Variants in TP63 observed in about 807,000 individuals in gnomAD.
The protein encoded by TP63 is tumor protein p63.
In TP63, 17 loss-of-function variants were observed where a neutral mutation model predicts 82.8. That is an observed-to-expected ratio of 0.21 (90% CI 0.14 to 0.31). TP63 has a LOEUF of 0.31. TP63 is among the 10% of genes least tolerant of loss of function. The pLI is 1.00. For missense variants in TP63, 648 were observed against 895.3 expected (o/e 0.72, Z 3.52); for synonymous variants, 330 against 321.7 (o/e 1.03, Z -0.28).
chr3:189,598,504 A>G, the TP63 span, among the ~76,000 whole-genome samples: 1 of 152,372 alleles, frequency 6.6e-6, no homozygotes, highest in East Asian at 1.9e-4. Context: ...CAAGCAGGCT[A>G]AAGTCAAAGA....
the TP63 span, among the ~76,000 whole-genome samples, chr3:189,623,797 T>G: frequency 1.1e-4 from 17 of 152,196 alleles, no homozygotes; most frequent in Non-Finnish European, 2.9e-5. Context: ...CCAAATGCAT[T>G]ATAATCAGAG....
chr3:189,781,616 G>C (rs957884286), intron 3 of TP63, among the ~76,000 whole-genome samples: 1 of 151,424 alleles, frequency 6.6e-6, no homozygotes, highest in Non-Finnish European at 1.5e-5. Context: ...TTTTTTCCTG[G>C]AAAGGGTGGA....
rs536906599 is a variant in TP63, at chr3:189,743,260, G to A, written c.324+4486G>A. On this transcript the variant is annotated intron_variant, in intron 3 of 13. Coordinates refer to ENST00000264731, the MANE Select transcript of TP63 (RefSeq NM_003722.5). ...TAAAAAATTAGGGAATTGAAATAAT[G>A]AGATTAATTATATCTTTCTGATCAG... Among the ~76,000 whole-genome samples, 240 of 152,218 alleles carry A rather than the reference G, an allele frequency of 1.6e-3. 1 individual carries two copies. Among genetic ancestry groups the A allele is most frequent in the African/African-American group, 5.6e-3 (234 of 41,540 alleles).
chr3:189,804,272 C>A (rs909280141), intron 3 of TP63, among the ~76,000 whole-genome samples: 26 of 152,188 alleles, frequency 1.7e-4, no homozygotes, highest in Non-Finnish European at 3.5e-4. Flanking sequence ...AGGTACTGCT[C>A]CCTTTACCCC....
chr3:189,798,490 G>T (rs1725952398), intron 3 of TP63, among the ~76,000 whole-genome samples: 1 of 152,044 alleles, frequency 6.6e-6, no homozygotes, highest in Non-Finnish European at 1.5e-5. Flanking sequence ...CAAGGACAGA[G>T]AATGTGTTTG....
intron 4 of TP63, among the ~76,000 whole-genome samples, chr3:189,810,737 T>G (rs1727454126): frequency 6.6e-6 from 1 of 151,498 alleles, no homozygotes; most frequent in South Asian, 2.1e-4. Context: ...GTGCCTGTAG[T>G]CTCAGCTACT....
chr3:189,775,220 C>CA (rs56288032), intron 3 of TP63, among the ~76,000 whole-genome samples: 1,096 of 92,936 alleles, frequency 0.012, 11 homozygotes, highest in African/African-American at 0.038. Context: ...AACTCTGTCT[C>CA]AAAAAAAAAA....
chr3:189,701,015 T>C (rs1447760822), intron 1 of TP63, among the ~76,000 whole-genome samples: 1 of 152,174 alleles, frequency 6.6e-6, no homozygotes, highest in Non-Finnish European at 1.5e-5. Flanking sequence ...AAATCTGTGA[T>C]ATGTGATTTT....
intron 1 of TP63, among the ~76,000 whole-genome samples, chr3:189,717,365 CAA>C (rs1310981119): frequency 1.3e-5 from 2 of 152,262 alleles, no homozygotes; most frequent in African/African-American, 4.8e-5. Flanking sequence ...CCACACTGAT[CAA>C]GAGACCAGCT....
chr3:189,817,106 C>G (rs1343384657), intron 4 of TP63, among the ~76,000 whole-genome samples: 1 of 151,920 alleles, frequency 6.6e-6, no homozygotes, highest in African/African-American at 2.4e-5. Context: ...ACCAACCTTT[C>G]AAGTTCATTG....
Position 189,788,337 on chromosome 3 carries a change from G to A in TP63, c.325-19935G>A, listed in dbSNP as rs1247394621. Among the ~76,000 whole-genome samples, 3 of 151,930 alleles carry A rather than the reference G, an allele frequency of 2.0e-5. No homozygotes were observed. In the East Asian group the frequency reaches 5.8e-4, roughly 29 times the overall value. ...GTCTTATATATCAGCCAATGACCAC[G>A]TCATCCTTTAAGTGCATAAATTTTA... On this transcript the variant is annotated intron_variant, in intron 3 of 13. Coordinates refer to ENST00000264731, the MANE Select transcript of TP63 (RefSeq NM_003722.5).
intron 1 of TP63, among the ~76,000 whole-genome samples, chr3:189,697,337 A>G (rs984827355): frequency 2.6e-5 from 4 of 150,978 alleles, no homozygotes; most frequent in Non-Finnish European, 5.9e-5. Flanking sequence ...TTCTTTGCCC[A>G]AGATCAGTTG....
At chr3:189,614,197 G>A in the TP63 span, among the ~76,000 whole-genome samples, 56 of 152,128 alleles carry the variant, frequency 3.7e-4, 1 homozygote, top group African/African-American at 1.3e-3. Context: ...TTGTGGGAGG[G>A]ACCTAGAGGG....
chr3:189,604,312 G>C, the TP63 span, among the ~76,000 whole-genome samples: 1 of 152,188 alleles, frequency 6.6e-6, no homozygotes, highest in African/African-American at 2.4e-5. Flanking sequence ...GTCTGGCAGA[G>C]AGGTGCTCAT....
At chr3:189,883,310 TAGAC>T (rs1444625319) in intron 10 of TP63, among the ~76,000 whole-genome samples, 1 of 152,212 alleles carries the variant, frequency 6.6e-6, no homozygotes, top group Non-Finnish European at 1.5e-5. Context: ...AAATTAATAA[TAGAC>T]AGACTACCTT....
the TP63 span, among the ~76,000 whole-genome samples, chr3:189,621,103 C>T: frequency 1.3e-5 from 2 of 152,160 alleles, no homozygotes; most frequent in African/African-American, 4.8e-5. Context: ...ATGGTTATTT[C>T]TTGTAGGTTA....
At chr3:189,704,826 A>T (rs1005696509) in intron 1 of TP63, among the ~76,000 whole-genome samples, 7 of 152,202 alleles carry the variant, frequency 4.6e-5, no homozygotes, top group African/African-American at 9.6e-5. Context: ...AAATGCTTTT[A>T]AAAAGATTTG....
chr3:189,639,686 T>TA (rs1194985072), intron 1 of TP63, among the ~76,000 whole-genome samples: 1 of 152,114 alleles, frequency 6.6e-6, no homozygotes, highest in African/African-American at 2.4e-5. Context: ...AGCATCATCA[T>TA]AATGTTAAGA....
chr3:189,669,533 G>A (rs1384367077), intron 1 of TP63, among the ~76,000 whole-genome samples: 2 of 151,988 alleles, frequency 1.3e-5, no homozygotes, highest in African/African-American at 2.4e-5. Flanking sequence ...TTTGTATGAA[G>A]TAAAAATAAT....
Sources: allele counts gnomAD v4.1 joint callset (sites outside exome capture counted in the v4.1 genomes callset), GRCh38; gene constraint gnomAD v4.1.1; transcripts MANE v1.5; gene names NCBI Gene and HGNC (gene_info 2026-07-23, HGNC 2026-07-21).